The following KLF16 variants were observed in gnomAD, a reference collection of about 807,000 sequenced individuals.
KLF16 encodes the protein Krueppel-like factor 16.
KLF16 carries 6 observed loss-of-function variants against 6.1 expected under a neutral mutation model. The ratio of observed to expected loss-of-function variants is 0.98; its 90% CI spans 0.54 to 1.93. The LOEUF (loss-of-function observed/expected upper bound fraction) is 1.93, where lower values mean the gene tolerates loss of function less well. Among genes scored for constraint, KLF16 ranks in the 30% most tolerant of loss-of-function variants. The pLI is 0.01. For synonymous variants in KLF16, 211 were observed against 176.5 expected (o/e 1.20, Z -1.55); for missense variants, 355 against 363.8 (o/e 0.98, Z 0.20).
At chr19:1,860,114 C>CGG (rs2012033365) in intron 1 of KLF16, 3 of 28,256 alleles carry the variant, frequency 1.1e-4, no homozygotes, top group African/African-American at 9.6e-4. Context: ...ACTGGCATGC[C>CGG]GGGGGCGGGG....
the KLF16 span, among the ~76,000 whole-genome samples, chr19:1,874,234 A>G: frequency 6.6e-6 from 1 of 152,210 alleles, no homozygotes; most frequent in Non-Finnish European, 1.5e-5. Flanking sequence ...AGGAGAAAAA[A>G]GAAACGTGCA....
chr19:1,854,893 C>G, intron 1 of KLF16, 133 bp from the exon 2 acceptor site: 1 of 933,494 alleles, frequency 1.1e-6, no homozygotes, highest in Admixed American at 2.7e-5. Flanking sequence ...GGTGTGAGTT[C>G]AAAACATGGA....
At chr19:1,855,454 G>A (rs963749602) in intron 1 of KLF16, among the ~76,000 whole-genome samples, 20 of 152,112 alleles carry the variant, frequency 1.3e-4, no homozygotes, top group African/African-American at 3.4e-4. Context: ...AAGGGGCGGG[G>A]CCCGGCGGGC....
At chr19:1,872,003 G>T in the KLF16 span, among the ~76,000 whole-genome samples, 1 of 152,154 alleles carries the variant, frequency 6.6e-6, no homozygotes, top group Non-Finnish European at 1.5e-5. Flanking sequence ...CAGGGCCGGG[G>T]ATTTTATCTG....
upstream of KLF16, among the ~76,000 whole-genome samples, chr19:1,864,580 G>A (rs2012153243): frequency 6.6e-6 from 1 of 152,182 alleles, no homozygotes; most frequent in East Asian, 1.9e-4. Flanking sequence ...GAACGCAAAG[G>A]GCTGGGCTGG....
intron 1 of KLF16, chr19:1,862,732 G>A (rs2012092987): frequency 5.8e-6 from 2 of 346,936 alleles, no homozygotes; most frequent in East Asian, 4.1e-5. Flanking sequence ...AAAAAAAAAC[G>A]GAACAAGGCC....
intron 1 of KLF16, among the ~76,000 whole-genome samples, chr19:1,856,856 G>C (rs1296371309): frequency 6.6e-6 from 1 of 151,650 alleles, no homozygotes; most frequent in Non-Finnish European, 1.5e-5. Context: ...GCTGGGTGCC[G>C]GACAGTCAGT....
In KLF16 at chr19:1,856,149, G is replaced by A. The variant is rs548436453; in HGVS notation, c.458-1389C>T. ...ACTGCAGCCAGCCAGGGGCCTAGAA[G>A]GACCCACAGCAGGGACCATGGTGAG... On this transcript the variant is annotated intron_variant, in intron 1 of 1. Coordinates refer to ENST00000250916, the MANE Select transcript of KLF16 (RefSeq NM_031918.4). Among the ~76,000 whole-genome samples, 12 of 152,330 alleles carry A rather than the reference G, an allele frequency of 7.9e-5. No homozygotes were observed. In the South Asian group the frequency reaches 1.9e-3, roughly 24 times the overall value.
upstream of KLF16, among the ~76,000 whole-genome samples, chr19:1,867,442 G>A (rs944415583): frequency 3.9e-5 from 6 of 152,270 alleles, no homozygotes; most frequent in Non-Finnish European, 8.8e-5. Flanking sequence ...AGGCATGGTA[G>A]TGCACGCCTG....
upstream of KLF16, among the ~76,000 whole-genome samples, chr19:1,866,862 C>A (rs2012196779): frequency 6.6e-6 from 1 of 152,104 alleles, no homozygotes; most frequent in Admixed American, 6.6e-5. Context: ...CAGCCGGCTC[C>A]TGCTCACAGC....
intron 1 of KLF16, among the ~76,000 whole-genome samples, chr19:1,856,962 GGCGACCGGGGCA>G (rs2011964315): frequency 7.3e-6 from 1 of 136,330 alleles, no homozygotes; most frequent in Admixed American, 7.1e-5. Context: ...GGGTGGGGGG[GGCGACCGGGGCA>G]GGGGCGCGCA....
At chr19:1,863,599 G>T, upstream of KLF16, 2 of 414,332 alleles carry the variant, frequency 4.8e-6, no homozygotes, top group Non-Finnish European at 3.2e-6. Flanking sequence ...GGAGGAGGAG[G>T]AGGAGGAGGC....
intron 1 of KLF16, among the ~76,000 whole-genome samples, chr19:1,856,257 G>A (rs551158182): frequency 5.5e-4 from 83 of 152,272 alleles, no homozygotes; most frequent in Non-Finnish European, 9.1e-4. Flanking sequence ...GGCTGCCCTG[G>A]GGAGCCCAGC....
chr19:1,856,952 G>GTT (rs1368462369), intron 1 of KLF16, among the ~76,000 whole-genome samples: 2 of 123,904 alleles, frequency 1.6e-5, no homozygotes, highest in Non-Finnish European at 3.5e-5. Context: ...CAGGTTGCCG[G>GTT]GGTGGGGGGG....
the KLF16 span, chr19:1,875,372 G>T: frequency 9.0e-4 from 137 of 152,340 alleles, no homozygotes; most frequent in African/African-American, 3.1e-3. Flanking sequence ...GCTACGTTAA[G>T]TATAAGAGCC....
At chr19:1,861,309 G>A (rs989251363) in intron 1 of KLF16, among the ~76,000 whole-genome samples, 3 of 152,270 alleles carry the variant, frequency 2.0e-5, no homozygotes, top group Middle Eastern at 3.4e-3. Flanking sequence ...AGAATGACCT[G>A]GGTAGACAGG....
rs896271453 is a variant in KLF16, at chr19:1,856,955, TG to T, written c.458-2196del. Among the ~76,000 whole-genome samples the T allele has an allele frequency of 4.7e-4, 12 of 25,518 alleles. 2 individuals carry two copies. Among genetic ancestry groups the T allele is most frequent in the Admixed American group, 1.1e-3 (3 of 2,730 alleles). The allele number at this position is 25,518 out of a possible 152,430, so 16.7% of individuals were successfully genotyped here. A position where few individuals can be genotyped will look rare whatever the true frequency, so the allele number is the denominator to read the frequency against. The stretch of plus-strand genomic sequence containing the variant: ...TGCAAGGAGGAGCAGGTTGCCGGGG[TG>T]GGGGGGGCGACCGGGGCAGGGGCGC... On this transcript the variant is annotated intron_variant, in intron 1 of 1. Transcript: ENST00000250916.
the KLF16 span, among the ~76,000 whole-genome samples, chr19:1,871,048 C>A: frequency 6.6e-6 from 1 of 152,026 alleles, no homozygotes; most frequent in African/African-American, 2.4e-5. Flanking sequence ...GGGTTGTGCA[C>A]TGTACTGCTG....
At chr19:1,862,711 G>T in intron 1 of KLF16, 1 of 196,986 alleles carries the variant, frequency 5.1e-6, no homozygotes, top group East Asian at 8.7e-5. Context: ...AGACCAGAAC[G>T]CAAAAGAAAA....
Sources: allele counts gnomAD v4.1 joint callset (sites outside exome capture counted in the v4.1 genomes callset), GRCh38; gene constraint gnomAD v4.1.1; transcripts MANE v1.5; gene names NCBI Gene and HGNC (gene_info 2026-07-23, HGNC 2026-07-21).